Variants in DYNC1LI1 observed in about 807,000 individuals in gnomAD.
DYNC1LI1 encodes dynein cytoplasmic 1 light intermediate chain 1.
DYNC1LI1 carries 19 observed loss-of-function variants against 63.8 expected under a neutral mutation model. That is an observed-to-expected ratio of 0.30 (90% CI 0.21 to 0.44). The LOEUF (loss-of-function observed/expected upper bound fraction) is 0.44, where lower values mean the gene tolerates loss of function less well. Among genes scored for constraint, DYNC1LI1 ranks in the 20% least tolerant of loss-of-function variants. The probability of loss-of-function intolerance (pLI) is 1.00; values close to 1 mark genes in which losing one functional copy is unlikely to be tolerated. For missense variants in DYNC1LI1, 565 were observed against 630.2 expected (o/e 0.90, Z 1.11); for synonymous variants, 225 against 232.3 (o/e 0.97, Z 0.28).
intron 2 of DYNC1LI1, among the ~76,000 whole-genome samples, chr3:32,564,468 T>C (rs182333895): frequency 1.8e-4 from 28 of 152,348 alleles, no homozygotes; most frequent in Admixed American, 3.3e-4. Context: ...CATGGCTGTT[T>C]TGGAACTACA....
intron 4 of DYNC1LI1, among the ~76,000 whole-genome samples, chr3:32,541,777 G>A (rs1456540629): frequency 6.6e-6 from 1 of 152,118 alleles, no homozygotes; most frequent in Non-Finnish European, 1.5e-5. Flanking sequence ...AAAATATAAA[G>A]TAAATGTGAA....
chr3:32,531,575 A>C (rs903533775), intron 8 of DYNC1LI1: 1 of 152,208 alleles, frequency 6.6e-6, no homozygotes, highest in Admixed American at 6.6e-5. Flanking sequence ...ATGCTCAATA[A>C]AAGAATGTGA....
intron 2 of DYNC1LI1, among the ~76,000 whole-genome samples, chr3:32,558,683 T>C (rs1010543171): frequency 6.6e-6 from 1 of 151,880 alleles, no homozygotes; most frequent in East Asian, 1.9e-4. Flanking sequence ...CCGTCTCTAC[T>C]AAAAATACAA....
intron 7 of DYNC1LI1, 80 bp downstream of exon 7, chr3:32,534,431 T>C (rs1697747948): frequency 1.9e-6 from 2 of 1,066,652 alleles, no homozygotes; most frequent in Non-Finnish European, 1.4e-6. Context: ...ATTGGTCCCA[T>C]CTCAAAACTG....
At chr3:32,549,519 C>T (rs1475543447) in intron 2 of DYNC1LI1, among the ~76,000 whole-genome samples, 2 of 151,984 alleles carry the variant, frequency 1.3e-5, no homozygotes, top group Admixed American at 6.6e-5. Flanking sequence ...GATTATCCCA[C>T]AAAAACAATG....
In DYNC1LI1 at chr3:32,533,113, T is replaced by C; in HGVS notation, c.969-16A>G. 1 of 1,584,246 alleles carries C rather than the reference T, an allele frequency of 6.3e-7. No homozygotes were observed. Among genetic ancestry groups the C allele is most frequent in the Non-Finnish European group, 8.5e-7 (1 of 1,172,620 alleles). On this transcript the variant is annotated splice_polypyrimidine_tract_variant and intron_variant, in intron 7 of 12. Coordinates refer to ENST00000273130, the MANE Select transcript of DYNC1LI1 (RefSeq NM_016141.4). ...CCCTGCTGGACTGGAAAGAAATACA[T>C]ATGATAAATTCTCAAGCATTTATAT...
intron 2 of DYNC1LI1, among the ~76,000 whole-genome samples, chr3:32,555,572 TC>T (rs1698104079): frequency 6.6e-6 from 1 of 152,222 alleles, no homozygotes; most frequent in African/African-American, 2.4e-5. Context: ...TTTGGCCTCC[TC>T]CCAGTTCTCT....
intron 2 of DYNC1LI1, among the ~76,000 whole-genome samples, chr3:32,563,404 G>T (rs1698218740): frequency 6.7e-6 from 1 of 149,884 alleles, no homozygotes; most frequent in Non-Finnish European, 1.5e-5. Flanking sequence ...AATTCTCCCT[G>T]CCTCTACCTC....
intron 2 of DYNC1LI1, among the ~76,000 whole-genome samples, chr3:32,546,698 C>A (rs905059829): frequency 3.9e-5 from 6 of 152,022 alleles, no homozygotes; most frequent in African/African-American, 1.2e-4. Flanking sequence ...AAGGGCCAAT[C>A]AAGGGGGAAG....
intron 1 of DYNC1LI1, 21 bp from the exon 2 acceptor site, chr3:32,570,440 C>T (rs2125448674): frequency 1.9e-6 from 3 of 1,578,180 alleles, no homozygotes; most frequent in Non-Finnish European, 2.6e-6. Flanking sequence ...GCAAGGCGTA[C>T]GGTGAGGCCG....
chr3:32,540,615 A>G (rs533368409), intron 5 of DYNC1LI1, among the ~76,000 whole-genome samples: 2 of 148,814 alleles, frequency 1.3e-5, no homozygotes, highest in East Asian at 4.1e-4. Flanking sequence ...CGGGAAGCGG[A>G]GGTTGCAGTG....
chr3:32,561,021 AAAAAAAAAAAAAC>A, intron 2 of DYNC1LI1, among the ~76,000 whole-genome samples: 1 of 116,874 alleles, frequency 8.6e-6, no homozygotes, highest in African/African-American at 3.5e-5. Context: ...AAAAAAAAAA[AAAAAAAAAAAAAC>A]AAACAAAAAA....
chr3:32,538,010 T>TTTATATATATA (rs1697815696), intron 5 of DYNC1LI1, among the ~76,000 whole-genome samples: 2 of 20,970 alleles, frequency 9.5e-5, no homozygotes, highest in African/African-American at 5.2e-4. Context: ...ATATATATAA[T>TTTATATATATA]ATATATATAT....
rs148020769 is a variant in DYNC1LI1 at position 32,563,766 on chromosome 3, C to A, written c.220+6580G>T. Among the ~76,000 whole-genome samples the A allele has an allele frequency of 3.2e-4, 48 of 152,302 alleles. 1 individual carries two copies. The highest frequency in any genetic ancestry group is 9.9e-4 in the African/African-American group (41 of 41,574). ...AGCCTGTATCTGTGATTTGCCAGTTCTGTTTTCTGCTTTTGACAGTAGCAC... is the reference window on the plus strand; with the variant it reads ...AGCCTGTATCTGTGATTTGCCAGTTATGTTTTCTGCTTTTGACAGTAGCAC... On this transcript the variant is annotated intron_variant, in intron 2 of 12. Transcript: ENST00000273130.
At chr3:32,564,884 C>A (rs189988208) in intron 2 of DYNC1LI1, among the ~76,000 whole-genome samples, 4 of 152,272 alleles carry the variant, frequency 2.6e-5, no homozygotes, top group Admixed American at 6.5e-5. Context: ...ACTCCCTTGC[C>A]AGTTACAAGT....
intron 2 of DYNC1LI1, among the ~76,000 whole-genome samples, chr3:32,558,584 G>A (rs952011598): frequency 1.2e-4 from 19 of 152,114 alleles, no homozygotes; most frequent in South Asian, 8.3e-4. Flanking sequence ...GGTGGCTCAC[G>A]CCTGTAATCC....
chr3:32,560,199 C>T (rs1480991969), intron 2 of DYNC1LI1, among the ~76,000 whole-genome samples: 1 of 152,144 alleles, frequency 6.6e-6, no homozygotes, highest in Non-Finnish European at 1.5e-5. Flanking sequence ...CTTATGGAGG[C>T]TGAGGCAGGC....
chr3:32,555,367 C>CA (rs1698100067), intron 2 of DYNC1LI1, among the ~76,000 whole-genome samples: 2 of 152,122 alleles, frequency 1.3e-5, no homozygotes, highest in African/African-American at 4.8e-5. Context: ...AGATCTGTTT[C>CA]ATAAAAGGTC....
chr3:32,544,984 T>C lies in DYNC1LI1; in HGVS notation c.460A>G (p.Lys154Glu), dbSNP rs1346862985. 12 of 1,613,990 alleles carry C rather than the reference T, an allele frequency of 7.4e-6. No individual in the cohort carries two copies. In the South Asian group the frequency reaches 7.7e-5, roughly 10 times the overall value. The change falls in exon 4 of 13, where the codon AAG (lysine) becomes GAG (glutamate). Residue 154 changes from lysine (K) to glutamate (E), a missense_variant. Lys to Glu is a moderately conservative substitution (Grantham distance 56, BLOSUM62 1). Coordinates refer to ENST00000273130, the MANE Select transcript of DYNC1LI1 (RefSeq NM_016141.4). ...TLVMLVVDMS[K>E]PWTALDSLQK... is the part of the protein sequence containing the mutation. ...AAAGAATCCAAAGCAGTCCAAGGCTTTGACATGTCAACAACCAGCATAACT... is the reference window on the plus strand; with the variant it reads ...AAAGAATCCAAAGCAGTCCAAGGCTCTGACATGTCAACAACCAGCATAACT...
Sources: gnomAD v4.1 joint callset for allele counts (sites outside exome capture counted in the v4.1 genomes callset) on GRCh38, gnomAD v4.1.1 for gene constraint, MANE v1.5 for transcripts, NCBI Gene and HGNC (gene_info 2026-07-23, HGNC 2026-07-21) for gene names.